Variants in PRKAA1 observed in about 807,000 individuals in gnomAD.
PRKAA1 encodes the protein protein kinase AMP-activated catalytic subunit alpha 1, also known as 5'-AMP-activated protein kinase catalytic subunit alpha-1.
PRKAA1 carries 23 observed loss-of-function variants against 56.9 expected under a neutral mutation model. The ratio of observed to expected loss-of-function variants is 0.40; its 90% confidence interval spans 0.29 to 0.57. The LOEUF is 0.57. Ranked by LOEUF, PRKAA1 falls within the 20% of genes least tolerant of loss-of-function variation. PRKAA1 has a pLI of 0.39. For synonymous variants in PRKAA1, 226 were observed against 227.0 expected (o/e 1.00, Z 0.04); for missense variants, 413 against 679.7 (o/e 0.61, Z 4.36).
chr5:40,765,538 G>GA (rs1021371439), intron 6 of PRKAA1, among the ~76,000 whole-genome samples: 8 of 152,090 alleles, frequency 5.3e-5, no homozygotes, highest in African/African-American at 1.9e-4. Flanking sequence ...TTCCAGCTTA[G>GA]AAAGAGAACA....
chr5:40,785,525 ACCAAC>A (rs1287568640), intron 1 of PRKAA1, among the ~76,000 whole-genome samples: 4 of 151,748 alleles, frequency 2.6e-5, no homozygotes, highest in Admixed American at 6.6e-5. Context: ...ACAGGCATTA[ACCAAC>A]CACGCCCAGC....
At chr5:40,790,429 C>T (rs139089094) in intron 1 of PRKAA1, among the ~76,000 whole-genome samples, 4 of 151,944 alleles carry the variant, frequency 2.6e-5, no homozygotes, top group African/African-American at 9.7e-5. Context: ...CAGGATAGGG[C>T]TTTTTGCTCC....
At chr5:40,784,241 T>C (rs888335940) in intron 1 of PRKAA1, among the ~76,000 whole-genome samples, 1 of 152,202 alleles carries the variant, frequency 6.6e-6, no homozygotes, top group Admixed American at 6.5e-5. Flanking sequence ...TCAGCTCTGA[T>C]TGGTGATACC....
chr5:40,774,228 T>A (rs373609358), intron 3 of PRKAA1, among the ~76,000 whole-genome samples: 2 of 152,236 alleles, frequency 1.3e-5, no homozygotes, highest in African/African-American at 2.4e-5. Context: ...AGAAGGGCCA[T>A]GCATCAAAGA....
intron 2 of PRKAA1, among the ~76,000 whole-genome samples, chr5:40,776,024 T>A (rs1188856457): frequency 6.6e-6 from 1 of 152,170 alleles, no homozygotes. Context: ...CCAAGGAAGA[T>A]GAAAAGCTAT....
chr5:40,783,781 G>GA (rs926143760), intron 1 of PRKAA1, among the ~76,000 whole-genome samples: 2 of 152,110 alleles, frequency 1.3e-5, no homozygotes, highest in Non-Finnish European at 2.9e-5. Context: ...TTCCAAAGGG[G>GA]AAAAAAACAA....
Position 40,787,117 on chromosome 5 carries a change from G to T in PRKAA1, c.128-9531C>A, listed in dbSNP as rs115790604. On this transcript the variant is annotated intron_variant, in intron 1 of 8. Coordinates refer to ENST00000397128, the MANE Select transcript of PRKAA1 (RefSeq NM_006251.6). Reference sequence around the variant, plus strand: ...AAAACACACTAATACTGTAATGGTGGTAAGTAAATGAATTATATATCTAGT... The same window carrying T: ...AAAACACACTAATACTGTAATGGTGTTAAGTAAATGAATTATATATCTAGT... Among the ~76,000 whole-genome samples, 851 of 152,028 alleles carry T rather than the reference G, an allele frequency of 5.6e-3. 2 individuals are homozygous for T. Among genetic ancestry groups the T allele is most frequent in the Non-Finnish European group, 9.8e-3 (667 of 67,998 alleles).
chr5:40,770,883 G>A (rs973115277), intron 4 of PRKAA1, among the ~76,000 whole-genome samples: 4 of 151,634 alleles, frequency 2.6e-5, no homozygotes, highest in Non-Finnish European at 4.4e-5. Context: ...AAGCCACCAC[G>A]CCCAGCCAAA....
Position 40,764,724 on chromosome 5 carries a change from A to G in PRKAA1, c.1308+28T>C, listed in dbSNP as rs765276236. 2.5e-6 allele frequency: 4 copies of G among 1,603,846 alleles called. No individual in the cohort carries two copies. The East Asian group carries it at 8.9e-5, about 36-fold the overall frequency. ...AGACTATGGGTTTGCCAAATATGCT[A>G]ATAATCAAAATGTTATTTCTTTCTT... is the stretch of plus-strand genomic sequence containing the variant. On this transcript the variant is annotated intron_variant, in intron 7 of 8. Transcript: ENST00000397128.
At chr5:40,795,006 T>C (rs28515155) in intron 1 of PRKAA1, among the ~76,000 whole-genome samples, 54,520 of 139,748 alleles carry the variant, frequency 0.39, 10,593 homozygotes, top group Admixed American at 0.49. Flanking sequence ...TATACATATA[T>C]ATACACACAC....
chr5:40,765,376 T>A, intron 6 of PRKAA1, 138 bp from the exon 7 acceptor site: 1 of 1,063,236 alleles, frequency 9.4e-7, no homozygotes, highest in Non-Finnish European at 1.3e-6. Flanking sequence ...GCACTGAAAT[T>A]TTCCTCTTCT....
intron 3 of PRKAA1, among the ~76,000 whole-genome samples, chr5:40,772,691 T>C (rs1743805111): frequency 6.6e-6 from 1 of 152,122 alleles, no homozygotes; most frequent in Non-Finnish European, 1.5e-5. Flanking sequence ...TGGAGTGCAG[T>C]GATGCCATCA....
intron 1 of PRKAA1, among the ~76,000 whole-genome samples, chr5:40,791,201 T>G (rs1014216965): frequency 6.6e-6 from 1 of 152,222 alleles, no homozygotes; most frequent in Non-Finnish European, 1.5e-5. Context: ...AATCAATGAA[T>G]GTAGTAAATG....
intron 2 of PRKAA1, 138 bp from the exon 3 acceptor site, chr5:40,775,641 C>G (rs1055019649): frequency 4.8e-6 from 3 of 624,584 alleles, no homozygotes; most frequent in Admixed American, 3.0e-5. Context: ...ATTCTCTGCT[C>G]TCATGGAGTT....
chr5:40,783,360 C>T (rs1390236379), intron 1 of PRKAA1, among the ~76,000 whole-genome samples: 1 of 75,320 alleles, frequency 1.3e-5, no homozygotes, highest in Non-Finnish European at 2.9e-5. Flanking sequence ...TTTTTAGCTA[C>T]ACAAAAAAAT....
chr5:40,786,018 G>A (rs1203327060), intron 1 of PRKAA1, among the ~76,000 whole-genome samples: 1 of 152,178 alleles, frequency 6.6e-6, no homozygotes, highest in African/African-American at 2.4e-5. Context: ...ACTTTGGGAG[G>A]CCGAGGCGGG....
chr5:40,785,301 A>G (rs1462206372), intron 1 of PRKAA1, among the ~76,000 whole-genome samples: 1 of 151,960 alleles, frequency 6.6e-6, no homozygotes, highest in Non-Finnish European at 1.5e-5. Flanking sequence ...GTGCAATGGC[A>G]TGATCTCAGC....
chr5:40,790,539 TTGTTG>T (rs1377045599), intron 1 of PRKAA1, among the ~76,000 whole-genome samples: 25 of 146,758 alleles, frequency 1.7e-4, no homozygotes, highest in South Asian at 4.4e-4. Flanking sequence ...TTTTTTTTTT[TTGTTG>T]TTGTTGTTGT....
chr5:40,781,082 G>A (rs958481428), intron 1 of PRKAA1, among the ~76,000 whole-genome samples: 4 of 152,038 alleles, frequency 2.6e-5, no homozygotes, highest in Admixed American at 1.3e-4. Context: ...TCATACAACC[G>A]AATGTGCACT....
Sources: allele counts gnomAD v4.1 joint callset (sites outside exome capture counted in the v4.1 genomes callset), GRCh38; gene constraint gnomAD v4.1.1; transcripts MANE v1.5; gene names NCBI Gene and HGNC (gene_info 2026-07-23, HGNC 2026-07-21).